The following RORA variants were observed in gnomAD, a reference collection of about 807,000 sequenced individuals.
The protein encoded by RORA is nuclear receptor ROR-alpha.
In RORA, 7 loss-of-function variants were observed where a neutral mutation model predicts 69.5. That is an observed-to-expected ratio of 0.10 (90% CI 0.06 to 0.19). The LOEUF (loss-of-function observed/expected upper bound fraction) is 0.19. RORA is among the 10% of genes least tolerant of loss of function. The pLI is 1.00. For synonymous variants in RORA, 261 were observed against 240.8 expected (o/e 1.08, Z -0.78); for missense variants, 457 against 663.0 (o/e 0.69, Z 3.41).
Position 60,886,938 on chromosome 15 carries a change from A to G in RORA, c.167-208252T>C, listed in dbSNP as rs76401822. ...GGACCAGAGGACACTCACAGTTGCC[A>G]CATTTAAACCCAACAGCCCACTAGA... is the stretch of plus-strand genomic sequence containing the variant. On this transcript the variant is annotated intron_variant, in intron 1 of 10. Transcript: ENST00000335670. 6.4e-3 allele frequency among the ~76,000 whole-genome samples: 973 copies of G among 152,326 alleles called. 9 individuals are homozygous for G. Among genetic ancestry groups the G allele is most frequent in the African/African-American group, 0.022 (919 of 41,586 alleles).
Position 61,128,240 on chromosome 15 carries a change from T to C in RORA, c.166+100813A>G, listed in dbSNP as rs1254822893. Among the ~76,000 whole-genome samples, 1 of 152,124 alleles carries C rather than the reference T, an allele frequency of 6.6e-6. No individual in the cohort carries two copies. ...GTGTGTGTGTCTGTGTGTGAGTGTG[T>C]TTCTGCAAGGGTATACTTTTAAAGC... On this transcript the variant is annotated intron_variant, in intron 1 of 10. Coordinates refer to ENST00000335670, the MANE Select transcript of RORA (RefSeq NM_134261.3). This position sits in a 1 kb window ranked among gnomAD's most constrained non-coding sequence, Gnocchi z 4.5.
chr15:60,850,044 C>A (rs1460456393), intron 1 of RORA, among the ~76,000 whole-genome samples: 1 of 152,088 alleles, frequency 6.6e-6, no homozygotes, highest in East Asian at 1.9e-4. Flanking sequence ...ATTTTCCAGC[C>A]CTGTGGTCAT....
intron 1 of RORA, among the ~76,000 whole-genome samples, chr15:61,127,001 C>T (rs1368269237): frequency 1.3e-5 from 2 of 152,152 alleles, no homozygotes; most frequent in African/African-American, 4.8e-5. Context: ...GAGCCTCATC[C>T]TTCTGGTAGC....
intron 1 of RORA, among the ~76,000 whole-genome samples, chr15:60,701,220 T>C (rs141475919): frequency 6.6e-6 from 1 of 152,322 alleles, no homozygotes; most frequent in African/African-American, 2.4e-5. Context: ...GCCCCTGCCA[T>C]TGTGTCTGGC....
chr15:60,933,498 G>GC (rs970414831), intron 1 of RORA, among the ~76,000 whole-genome samples: 1 of 152,130 alleles, frequency 6.6e-6, no homozygotes, highest in Non-Finnish European at 1.5e-5. Context: ...CTCTTGTGAA[G>GC]CCCCCTTGAT....
At chr15:60,747,507 T>G (rs1160829943) in intron 1 of RORA, among the ~76,000 whole-genome samples, 1 of 152,190 alleles carries the variant, frequency 6.6e-6, no homozygotes, top group Admixed American at 6.6e-5. Context: ...CATACAAATA[T>G]TTTTATACAG....
chr15:61,182,291 T>A (rs908847863), intron 1 of RORA, among the ~76,000 whole-genome samples: 1 of 152,224 alleles, frequency 6.6e-6, no homozygotes, highest in African/African-American at 2.4e-5. Context: ...CAGCTCAGTA[T>A]CATCAGGAAC....
intron 1 of RORA, among the ~76,000 whole-genome samples, chr15:61,119,824 G>T: frequency 6.6e-6 from 1 of 152,210 alleles, no homozygotes; most frequent in Non-Finnish European, 1.5e-5. Context: ...TGAAATTCCA[G>T]TGAAATCCAG....
At chr15:60,597,577 C>CGTAT (rs1555435976) in intron 2 of RORA, among the ~76,000 whole-genome samples, 2 of 25,304 alleles carry the variant, frequency 7.9e-5, no homozygotes, top group Non-Finnish European at 1.3e-4. Context: ...TATATATACA[C>CGTAT]ATATATATAT....
intron 2 of RORA, among the ~76,000 whole-genome samples, chr15:60,592,036 C>A (rs1047498281): frequency 6.6e-6 from 1 of 151,998 alleles, no homozygotes; most frequent in Non-Finnish European, 1.5e-5. Context: ...TTCCTCTGAA[C>A]TCCGCAGACC....
intron 1 of RORA, among the ~76,000 whole-genome samples, chr15:60,746,242 A>C (rs1241940313): frequency 1.3e-5 from 2 of 152,182 alleles, no homozygotes; most frequent in Non-Finnish European, 2.9e-5. Flanking sequence ...GTTAAGTTAA[A>C]ACCCAGCTGT....
At chr15:61,031,301 C>A (rs1055795598) in intron 1 of RORA, among the ~76,000 whole-genome samples, 5 of 152,102 alleles carry the variant, frequency 3.3e-5, no homozygotes, top group Non-Finnish European at 5.9e-5. Flanking sequence ...GTGAAGGATG[C>A]CTTTATTTCA....
At chr15:60,553,709 A>G (rs2067283771) in intron 2 of RORA, among the ~76,000 whole-genome samples, 1 of 152,178 alleles carries the variant, frequency 6.6e-6, no homozygotes, top group South Asian at 2.1e-4. Context: ...CCCCAACCCC[A>G]TACCAGGAAG....
intron 1 of RORA, among the ~76,000 whole-genome samples, chr15:60,956,490 G>A (rs893558135): frequency 6.6e-6 from 1 of 152,190 alleles, no homozygotes; most frequent in African/African-American, 2.4e-5. Context: ...AGGGGAGGAA[G>A]TATAGCAGAA....
chr15:60,702,183 A>G (rs2070991844), intron 1 of RORA, among the ~76,000 whole-genome samples: 1 of 152,164 alleles, frequency 6.6e-6, no homozygotes, highest in Non-Finnish European at 1.5e-5. Flanking sequence ...GTGAAACTGA[A>G]ATAATGATGG....
At chr15:61,030,652 T>C (rs1896114761) in intron 1 of RORA, among the ~76,000 whole-genome samples, 1 of 152,120 alleles carries the variant, frequency 6.6e-6, no homozygotes, top group African/African-American at 2.4e-5. Flanking sequence ...GCCAAGCATA[T>C]TTGGGGCCCA....
At position 60,531,058 on chromosome 15, in the gene RORA, T is replaced by A. The variant is rs185178343; in HGVS notation, c.282+708A>T. On this transcript the variant is annotated intron_variant, in intron 3 of 10. Coordinates refer to ENST00000335670, the MANE Select transcript of RORA (RefSeq NM_134261.3). The surrounding 1 kb of genome is among the most constrained non-coding windows in gnomAD (Gnocchi z 4.8). Reference sequence around the variant, plus strand: ...GCACATTATGCATGTGCTGTACACATTGCCCCATGACCAAGGTCAGAAATA... The same window carrying A: ...GCACATTATGCATGTGCTGTACACAATGCCCCATGACCAAGGTCAGAAATA... 6.6e-6 allele frequency: 1 copy of A among 152,266 alleles called. No homozygotes were observed. Among genetic ancestry groups the A allele is most frequent in the Admixed American group, 6.5e-5 (1 of 15,278 alleles). 9.4% of individuals were successfully genotyped at this position (152,266 alleles called of 1,614,324 possible).
chr15:60,618,362 T>A (rs929797769), intron 2 of RORA, among the ~76,000 whole-genome samples: 1 of 152,162 alleles, frequency 6.6e-6, no homozygotes, highest in African/African-American at 2.4e-5. Context: ...TACAGATACA[T>A]GTAGCAGGTG....
chr15:61,180,894 A>G (rs1235748208), intron 1 of RORA, among the ~76,000 whole-genome samples: 1 of 152,186 alleles, frequency 6.6e-6, no homozygotes, highest in Non-Finnish European at 1.5e-5. Context: ...ACCTGAGGTC[A>G]GGAGTTTGAG....
Sources: gnomAD v4.1 joint callset for allele counts (sites outside exome capture counted in the v4.1 genomes callset) on GRCh38, gnomAD v4.1.1 for gene constraint, Gnocchi (gnomAD v3.1) non-coding constraint, MANE v1.5 for transcripts, NCBI Gene and HGNC (gene_info 2026-07-23, HGNC 2026-07-21) for gene names.